Variants in GPAM observed in about 807,000 individuals in gnomAD.
The protein encoded by GPAM is glycerol-3-phosphate acyltransferase, mitochondrial, also known as glycerol-3-phosphate acyltransferase 1, mitochondrial.
In GPAM, 56 loss-of-function variants were observed where a neutral mutation model predicts 105.0. That is an observed-to-expected ratio of 0.53 (90% CI 0.43 to 0.67). The LOEUF (loss-of-function observed/expected upper bound fraction) is 0.67, where lower values mean the gene tolerates loss of function less well. Ranked by LOEUF, GPAM falls within the 30% of genes least tolerant of loss-of-function variation. GPAM has a pLI of 0.00. For synonymous variants in GPAM, 368 were observed against 354.4 expected (o/e 1.04, Z -0.43); for missense variants, 855 against 989.8 (o/e 0.86, Z 1.83).
At chr10:112,211,219 C>A (rs7895952) in intron 1 of GPAM, among the ~76,000 whole-genome samples, 1 of 151,984 alleles carries the variant, frequency 6.6e-6, no homozygotes, top group Non-Finnish European at 1.5e-5. Context: ...TTCCTCCTGC[C>A]GTCCTTGAGT....
intron 20 of GPAM, 104 bp downstream of exon 20, chr10:112,155,760 G>A: frequency 1.4e-6 from 1 of 693,550 alleles, no homozygotes; most frequent in Non-Finnish European, 2.5e-6. Flanking sequence ...CGGTGTTAGA[G>A]GTCAGGATAA....
chr10:112,196,074 C>T (rs191566795), intron 1 of GPAM, among the ~76,000 whole-genome samples: 1 of 152,230 alleles, frequency 6.6e-6, no homozygotes, highest in East Asian at 1.9e-4. Flanking sequence ...CAATCTAGAA[C>T]AAGGCCAAGC....
chr10:112,211,336 A>G lies in GPAM; in HGVS notation n.210+3832T>C, dbSNP rs536602190. Among the ~76,000 whole-genome samples, 3 of 152,254 alleles carry G rather than the reference A, an allele frequency of 2.0e-5. No homozygotes were observed. The East Asian group carries it at 5.8e-4, about 29-fold the overall frequency. On this transcript the variant is annotated intron_variant and non_coding_transcript_variant, in intron 1 of 3. Transcript: ENST00000480130. ...TGGATCTAACCTGCCATCAAATAAC[A>G]AAATGCTAGAGGTGGCCAACTCAGT... is the stretch of plus-strand genomic sequence containing the variant.
chr10:112,169,526 C>T lies in GPAM; in HGVS notation c.795-574G>A, dbSNP rs142159170. Among the ~76,000 whole-genome samples, 460 of 152,278 alleles carry T rather than the reference C, an allele frequency of 3.0e-3. 2 individuals carry two copies. Among genetic ancestry groups the T allele is most frequent in the African/African-American group, 9.5e-3 (396 of 41,562 alleles). On this transcript the variant is annotated intron_variant, in intron 9 of 21. Transcript: ENST00000348367. The stretch of plus-strand genomic sequence containing the variant: ...CATTTGCACATACACAGGCATAAAA[C>T]GATTCTTTTCCTAACCCTATGTCTC...
rs1469674468 is a variant in GPAM, at chr10:112,173,032, T to C, written c.595A>G (p.Ser199Gly). ...TGWVLLKLFN[S>G]FFWNIQIHKG... ...TGAATTTGAATGTTCCAAAAGAAGCTGTTGAACAGTTTTAGCAGCACCCAC... is the reference window on the plus strand; with the variant it reads ...TGAATTTGAATGTTCCAAAAGAAGCCGTTGAACAGTTTTAGCAGCACCCAC... Residue 199 changes from serine (S) to glycine (G), a missense_variant, in exon 8 of 22, where the codon AGC becomes GGC. By Grantham distance (56) the Ser-to-Gly change is moderately conservative. Transcript: ENST00000348367. The C allele has an allele frequency of 3.1e-6, 5 of 1,610,344 alleles. No homozygotes were observed. The African/African-American group carries it at 4.0e-5, about 13-fold the overall frequency.
chr10:112,162,108 C>G (rs1385931755), intron 14 of GPAM, among the ~76,000 whole-genome samples: 1 of 152,224 alleles, frequency 6.6e-6, no homozygotes, highest in African/African-American at 2.4e-5. Context: ...CTCCCACCTA[C>G]AGTCTATTAT....
chr10:112,226,250 T>G, the GPAM span, among the ~76,000 whole-genome samples: 1 of 152,246 alleles, frequency 6.6e-6, no homozygotes, highest in Non-Finnish European at 1.5e-5. Context: ...GCACCCACTA[T>G]GTTCTCAGCA....
chr10:112,214,278 A>G (rs1038790413), intron 1 of GPAM: 1 of 152,248 alleles, frequency 6.6e-6, no homozygotes, highest in Admixed American at 6.5e-5. Context: ...TTAACCTGAA[A>G]TGCATATAGG....
At chr10:112,212,325 C>G (rs193232821) in intron 1 of GPAM, among the ~76,000 whole-genome samples, 1 of 152,092 alleles carries the variant, frequency 6.6e-6, no homozygotes, top group African/African-American at 2.4e-5. Context: ...TGCAGTGGTG[C>G]GATCTCAGCT....
At chr10:112,207,891 T>C (rs533037876) in intron 1 of GPAM, among the ~76,000 whole-genome samples, 2 of 152,338 alleles carry the variant, frequency 1.3e-5, no homozygotes, top group African/African-American at 4.8e-5. Flanking sequence ...AAATGCTCCT[T>C]ACAGCTAAAT....
At chr10:112,217,569 G>A (rs1427271555), upstream of GPAM, among the ~76,000 whole-genome samples, 2 of 152,096 alleles carry the variant, frequency 1.3e-5, no homozygotes, top group African/African-American at 4.8e-5. Flanking sequence ...AAGCGAGAGA[G>A]CTAGTCATTA....
rs1846953334 is a variant in GPAM, at chr10:112,153,304, T to C, written c.*246A>G. On this transcript the variant is annotated 3_prime_UTR_variant, in exon 22 of 22. Coordinates refer to ENST00000348367, the MANE Select transcript of GPAM (RefSeq NM_001244949.2). ...AATTTATTGAGATTTCATCTTGTAGTCTACGGATTATGAGTTGCGAATAGA... is the reference window on the plus strand; with the variant it reads ...AATTTATTGAGATTTCATCTTGTAGCCTACGGATTATGAGTTGCGAATAGA... 1 of 1,357,788 alleles carries C rather than the reference T, an allele frequency of 7.4e-7. No individual in the cohort carries two copies. Among genetic ancestry groups the C allele is most frequent in the Admixed American group, 3.1e-5 (1 of 32,708 alleles). 84.1% of individuals were successfully genotyped at this position (1,357,788 alleles called of 1,614,324 possible). A position where few individuals can be genotyped will look rare whatever the true frequency, so the allele number is the denominator to read the frequency against.
At chr10:112,189,000 C>T (rs1589602819) in intron 1 of GPAM, among the ~76,000 whole-genome samples, 1 of 152,180 alleles carries the variant, frequency 6.6e-6, no homozygotes, top group African/African-American at 2.4e-5. Flanking sequence ...GATCCAGATT[C>T]GTTGACCAAA....
At chr10:112,184,567 T>C (rs553487374), upstream of GPAM, among the ~76,000 whole-genome samples, 38 of 152,316 alleles carry the variant, frequency 2.5e-4, no homozygotes, top group African/African-American at 8.4e-4. Context: ...CTGAATTTAC[T>C]CTCCTGCCTA....
In GPAM at chr10:112,175,607, T is replaced by G. The variant is rs1356388914; in HGVS notation, c.406A>C (p.Ser136Arg). ...ACCTTGCCCCGCCCTTACCTACTGCTGTTCAGCACATTTTCAGTCACATTG... is the reference window on the plus strand; with the variant it reads ...ACCTTGCCCCGCCCTTACCTACTGCGGTTCAGCACATTTTCAGTCACATTG... ...ATNVTENVLN[S>R]SRVQEAIAEV... Residue 136 changes from serine to arginine, a missense_variant, in exon 6 of 22, where the codon AGC becomes CGC. Transcript: ENST00000348367. 1 of 1,572,986 alleles carries G rather than the reference T, an allele frequency of 6.4e-7. No homozygotes were observed.
Position 112,192,038 on chromosome 10 carries a change from G to T in GPAM, n.211-9147C>A, listed in dbSNP as rs148894730. On this transcript the variant is annotated intron_variant and non_coding_transcript_variant, in intron 1 of 3. Transcript: ENST00000480130. ...CCAGGCAAGGTGCAATGAGGAAGGG[G>T]ACCAGCCTGAGCCGACCCAGGGCCT... Among the ~76,000 whole-genome samples, 75 of 152,272 alleles carry T rather than the reference G, an allele frequency of 4.9e-4. 1 individual carries two copies. Among genetic ancestry groups the T allele is most frequent in the African/African-American group, 1.7e-3 (69 of 41,566 alleles).
chr10:112,222,369 A>T, the GPAM span, among the ~76,000 whole-genome samples: 1 of 152,142 alleles, frequency 6.6e-6, no homozygotes, highest in Non-Finnish European at 1.5e-5. Flanking sequence ...ACCCAGACAT[A>T]TTTCTATCGA....
chr10:112,191,836 G>C (rs776467632), intron 1 of GPAM, among the ~76,000 whole-genome samples: 13 of 152,170 alleles, frequency 8.5e-5, no homozygotes, highest in Non-Finnish European at 1.9e-4. Context: ...GGGGTCTGAT[G>C]GTGGCTCAGC....
At chr10:112,179,603 A>G (rs1297160313) in intron 4 of GPAM, among the ~76,000 whole-genome samples, 1 of 152,114 alleles carries the variant, frequency 6.6e-6, no homozygotes, top group Admixed American at 6.5e-5. Context: ...ATGTTAGTAA[A>G]CCCCTTTATA....
Sources: allele counts gnomAD v4.1 joint callset (sites outside exome capture counted in the v4.1 genomes callset), GRCh38; gene constraint gnomAD v4.1.1; transcripts MANE v1.5; gene names NCBI Gene and HGNC (gene_info 2026-07-23, HGNC 2026-07-21).